The following GRHL2 variants were observed in gnomAD, a reference collection of about 807,000 sequenced individuals.
GRHL2 encodes the protein grainyhead-like protein 2 homolog.
Under a neutral mutation model 83.8 loss-of-function variants are expected in GRHL2, and 21 were observed. The observed-to-expected ratio is 0.25, with a 90% confidence interval of 0.18 to 0.36. GRHL2 has a LOEUF of 0.36. Among genes scored for constraint, GRHL2 ranks in the 10% least tolerant of loss-of-function variants. The pLI is 1.00. For missense variants in GRHL2, 623 were observed against 781.8 expected (o/e 0.80, Z 2.42); for synonymous variants, 280 against 278.9 (o/e 1.00, Z -0.04).
At chr8:101,502,911 T>A (rs1037852775) in intron 1 of GRHL2, among the ~76,000 whole-genome samples, 1 of 152,114 alleles carries the variant, frequency 6.6e-6, no homozygotes, top group African/African-American at 2.4e-5. Flanking sequence ...AGACACCCAC[T>A]GTCAAAAAAT....
chr8:101,580,097 C>G (rs1161229190), intron 7 of GRHL2, among the ~76,000 whole-genome samples: 1 of 152,154 alleles, frequency 6.6e-6, no homozygotes, highest in African/African-American at 2.4e-5. Context: ...ACCAAGTCAG[C>G]CAGGCAGTGA....
intron 1 of GRHL2, among the ~76,000 whole-genome samples, chr8:101,525,644 C>T (rs958451622): frequency 1.3e-5 from 2 of 151,972 alleles, no homozygotes; most frequent in African/African-American, 4.8e-5. Context: ...GTGTGTACCA[C>T]CACACCCGGC....
At chr8:101,627,673 C>A (rs1199059341) in intron 9 of GRHL2, among the ~76,000 whole-genome samples, 1 of 152,134 alleles carries the variant, frequency 6.6e-6, no homozygotes, top group East Asian at 1.9e-4. Flanking sequence ...AAAGCTGACA[C>A]AGGCCAAGAG....
chr8:101,597,381 G>A (rs138779237), intron 7 of GRHL2, among the ~76,000 whole-genome samples: 22 of 152,198 alleles, frequency 1.4e-4, no homozygotes, highest in Admixed American at 1.1e-3. Context: ...ACATGCACAC[G>A]TATGTTTATT....
intron 1 of GRHL2, among the ~76,000 whole-genome samples, chr8:101,542,573 T>C (rs1296098976): frequency 6.7e-6 from 1 of 150,164 alleles, no homozygotes; most frequent in Non-Finnish European, 1.5e-5. Flanking sequence ...AAAAAAAGAA[T>C]AAATAAATAA....
At chr8:101,612,413 T>C (rs1372536617) in intron 8 of GRHL2, among the ~76,000 whole-genome samples, 2 of 150,768 alleles carry the variant, frequency 1.3e-5, no homozygotes, top group Non-Finnish European at 2.9e-5. Context: ...GGCCCTGCCA[T>C]AGATAGACTT....
At chr8:101,534,945 C>A (rs1647872438) in intron 1 of GRHL2, among the ~76,000 whole-genome samples, 1 of 152,144 alleles carries the variant, frequency 6.6e-6, no homozygotes, top group Admixed American at 6.5e-5. Flanking sequence ...CTCATCACGG[C>A]CCAATTAGAG....
intron 1 of GRHL2, among the ~76,000 whole-genome samples, chr8:101,517,480 G>A (rs1413072845): frequency 6.6e-6 from 1 of 152,170 alleles, no homozygotes; most frequent in Non-Finnish European, 1.5e-5. Context: ...ATGGCCACCA[G>A]CGCAAAGGGC....
At chr8:101,569,962 A>G (rs1326215854) in intron 4 of GRHL2, among the ~76,000 whole-genome samples, 2 of 152,172 alleles carry the variant, frequency 1.3e-5, no homozygotes, top group Admixed American at 1.3e-4. Flanking sequence ...TTGCTGCGCT[A>G]TATGACCTCT....
chr8:101,542,930 T>C (rs138381555), intron 1 of GRHL2: 66 of 442,898 alleles, frequency 1.5e-4, no homozygotes, highest in Middle Eastern at 5.1e-4. Flanking sequence ...CTCAACACCA[T>C]GTGGGAGCCC....
intron 6 of GRHL2, 38 bp downstream of exon 6, chr8:101,573,862 C>A (rs1159389889): frequency 5.0e-6 from 8 of 1,609,796 alleles, no homozygotes; most frequent in Non-Finnish European, 6.8e-6. Context: ...ACAAAGGAAT[C>A]CGATGAACGG....
intron 1 of GRHL2, among the ~76,000 whole-genome samples, chr8:101,515,134 A>G (rs929276705): frequency 6.7e-6 from 1 of 148,754 alleles, no homozygotes. Context: ...GAAAGAGAGA[A>G]TAGACTCAAC....
At chr8:101,655,252 T>C (rs1325804821) in intron 14 of GRHL2, among the ~76,000 whole-genome samples, 1 of 151,940 alleles carries the variant, frequency 6.6e-6, no homozygotes, top group Admixed American at 6.5e-5. Flanking sequence ...TAAATGCAAG[T>C]GCAGCAGCAT....
At chr8:101,643,998 G>T (rs1813456737) in intron 12 of GRHL2, 133 bp from the exon 13 acceptor site, 5 of 754,064 alleles carry the variant, frequency 6.6e-6, no homozygotes, top group South Asian at 5.9e-5. Flanking sequence ...GAAGAAGGAG[G>T]TTGGTGAGTA....
At chr8:101,604,424 T>C (rs771736150) in intron 8 of GRHL2, among the ~76,000 whole-genome samples, 27 of 152,160 alleles carry the variant, frequency 1.8e-4, no homozygotes, top group Non-Finnish European at 2.6e-4. Flanking sequence ...GTCTTGAAAC[T>C]GGGCCCCTTA....
chr8:101,543,643 A>G (rs1811201318), intron 2 of GRHL2: 2 of 597,082 alleles, frequency 3.3e-6, no homozygotes, highest in African/African-American at 1.9e-5. Flanking sequence ...GGAAGTACTC[A>G]TTTTGGGATA....
intron 1 of GRHL2, among the ~76,000 whole-genome samples, chr8:101,499,000 G>A (rs766598644): frequency 2.6e-5 from 4 of 151,804 alleles, no homozygotes; most frequent in African/African-American, 7.3e-5. Context: ...GCGTGAACCC[G>A]GGAGGCAGAG....
chr8:101,616,160 C>T (rs1812853512), intron 8 of GRHL2, among the ~76,000 whole-genome samples: 1 of 144,414 alleles, frequency 6.9e-6, no homozygotes, highest in Non-Finnish European at 1.5e-5. Flanking sequence ...TCTCTTCTTC[C>T]TTCCTTTCTC....
At chr8:101,550,809 T>G (rs1423371848) in intron 2 of GRHL2, among the ~76,000 whole-genome samples, 1 of 152,250 alleles carries the variant, frequency 6.6e-6, no homozygotes, top group Non-Finnish European at 1.5e-5. Flanking sequence ...ACCTTCTGTC[T>G]GTGAATTTGA....
Sources: allele counts gnomAD v4.1 joint callset (sites outside exome capture counted in the v4.1 genomes callset), GRCh38; gene constraint gnomAD v4.1.1; transcripts MANE v1.5; gene names NCBI Gene and HGNC (gene_info 2026-07-23, HGNC 2026-07-21).